The following HSPBAP1 variants were observed in gnomAD, a reference collection of about 807,000 sequenced individuals.
HSPBAP1 encodes the protein HSPB1-associated protein 1.
A neutral mutation model predicts 45.2 loss-of-function variants in HSPBAP1; 27 were observed. That is an observed-to-expected ratio of 0.60 (90% confidence interval 0.44 to 0.82). HSPBAP1 has a LOEUF of 0.82. HSPBAP1 is among the 40% of genes least tolerant of loss of function. The pLI is 0.00. For synonymous variants in HSPBAP1, 204 were observed against 202.7 expected (o/e 1.01, Z -0.06); for missense variants, 510 against 590.9 (o/e 0.86, Z 1.42).
chr3:122,746,684 G>A (rs1029572172), intron 6 of HSPBAP1, among the ~76,000 whole-genome samples: 16 of 150,346 alleles, frequency 1.1e-4, no homozygotes, highest in Admixed American at 2.6e-4. Flanking sequence ...CTCTTTCCAC[G>A]GTCTCCCTCT....
chr3:122,777,211 G>A (rs531814404), intron 2 of HSPBAP1, among the ~76,000 whole-genome samples: 1 of 152,266 alleles, frequency 6.6e-6, no homozygotes, highest in Admixed American at 6.5e-5. Flanking sequence ...TATGTTTCAT[G>A]TTTGTGCAAT....
chr3:122,791,444 G>C (rs1328424124), intron 1 of HSPBAP1, among the ~76,000 whole-genome samples: 2 of 152,210 alleles, frequency 1.3e-5, no homozygotes, highest in African/African-American at 2.4e-5. Context: ...CAAACATGTG[G>C]CATGTGCCAA....
intron 2 of HSPBAP1, among the ~76,000 whole-genome samples, chr3:122,775,219 G>C (rs116634593): frequency 0.05 from 7,671 of 152,088 alleles, 262 homozygotes; most frequent in Middle Eastern, 0.11. Context: ...GATTATCTCT[G>C]GGTAGTGGGA....
At chr3:122,767,304 C>T (rs888326747) in intron 3 of HSPBAP1, among the ~76,000 whole-genome samples, 1 of 152,152 alleles carries the variant, frequency 6.6e-6, no homozygotes, top group Admixed American at 6.5e-5. Flanking sequence ...TTTGGGCGGC[C>T]GAGGCTGGTG....
At chr3:122,790,477 G>A (rs772216316) in intron 1 of HSPBAP1, among the ~76,000 whole-genome samples, 2 of 152,126 alleles carry the variant, frequency 1.3e-5, no homozygotes, top group Non-Finnish European at 2.9e-5. Context: ...TACTTAATGT[G>A]TATCATATTG....
At chr3:122,749,143 T>A (rs927343484) in intron 6 of HSPBAP1, among the ~76,000 whole-genome samples, 7 of 151,570 alleles carry the variant, frequency 4.6e-5, no homozygotes, top group African/African-American at 1.7e-4. Flanking sequence ...TCTATTCATT[T>A]ACTTACTTTT....
chr3:122,754,653 A>C (rs544527581), intron 5 of HSPBAP1: 659 of 985,230 alleles, frequency 6.7e-4, no homozygotes, highest in Non-Finnish European at 5.7e-4. Context: ...TAAGTGACTA[A>C]GAAAACCTTT....
intron 6 of HSPBAP1, among the ~76,000 whole-genome samples, chr3:122,743,988 G>A (rs1263314844): frequency 1.3e-5 from 2 of 151,990 alleles, no homozygotes; most frequent in Non-Finnish European, 2.9e-5. Flanking sequence ...ACTCCAGCCT[G>A]GGCAACAGAA....
In HSPBAP1 at chr3:122,764,907, C is replaced by G. The variant is rs369481660; in HGVS notation, c.432+3794G>C. Reference sequence around the variant, plus strand: ...CATTTGATATTGTGATTTGAATTGGCTACTGAAGGTCAGGAGCCTCGTTAA... The same window carrying G: ...CATTTGATATTGTGATTTGAATTGGGTACTGAAGGTCAGGAGCCTCGTTAA... On this transcript the variant is annotated intron_variant, in intron 3 of 7. Coordinates refer to ENST00000306103, the MANE Select transcript of HSPBAP1 (RefSeq NM_024610.6). Among the ~76,000 whole-genome samples, 12 of 152,272 alleles carry G rather than the reference C, an allele frequency of 7.9e-5. 2 individuals carry two copies. Among genetic ancestry groups the G allele is most frequent in the Admixed American group, 6.5e-5 (1 of 15,292 alleles).
chr3:122,762,486 G>T (rs1018314054), intron 3 of HSPBAP1, among the ~76,000 whole-genome samples: 3 of 152,064 alleles, frequency 2.0e-5, no homozygotes, highest in African/African-American at 7.2e-5. Flanking sequence ...TTCTTTTTAA[G>T]CAACTAAATT....
chr3:122,746,991 C>T (rs1933892144), intron 6 of HSPBAP1, among the ~76,000 whole-genome samples: 2 of 152,080 alleles, frequency 1.3e-5, no homozygotes, highest in African/African-American at 4.8e-5. Flanking sequence ...GTGGCGTGAT[C>T]TCGGCTCGCT....
At position 122,748,008 on chromosome 3, in the gene HSPBAP1, T is replaced by C. The variant is rs889641610; in HGVS notation, c.825+4583A>G. Among the ~76,000 whole-genome samples the C allele has an allele frequency of 1.1e-4, 16 of 152,286 alleles. 1 individual carries two copies. Among genetic ancestry groups the C allele is most frequent in the African/African-American group, 9.6e-5 (4 of 41,568 alleles). On this transcript the variant is annotated intron_variant, in intron 6 of 7. Coordinates refer to ENST00000306103, the MANE Select transcript of HSPBAP1 (RefSeq NM_024610.6). ...GTGTCTGTGTAGAAAGAAGTAGACATGGGAAACTTTTCATTTTGTTCTGTA... is the reference window on the plus strand; with the variant it reads ...GTGTCTGTGTAGAAAGAAGTAGACACGGGAAACTTTTCATTTTGTTCTGTA...
chr3:122,778,531 T>A (rs1455833387), intron 1 of HSPBAP1, among the ~76,000 whole-genome samples: 161 of 148,790 alleles, frequency 1.1e-3, no homozygotes, highest in Non-Finnish European at 1.2e-3. Flanking sequence ...TTATTTTTTT[T>A]TTTTTTTTGA....
Position 122,753,518 on chromosome 3 carries a change from G to A in HSPBAP1, c.742-844C>T, listed in dbSNP as rs1416792077. On this transcript the variant is annotated intron_variant, in intron 5 of 7. Coordinates refer to ENST00000306103, the MANE Select transcript of HSPBAP1 (RefSeq NM_024610.6). ...ACTTGCAAAGGTCCACTTATTAAAC[G>A]TTAAGATATAAATAGGAAGGTATAA... 13 of 983,866 alleles carry A rather than the reference G, an allele frequency of 1.3e-5. No individual in the cohort carries two copies. The South Asian group carries it at 2.4e-4, about 18-fold the overall frequency. 60.9% of individuals were successfully genotyped at this position (983,866 alleles called of 1,614,324 possible). A position where few individuals can be genotyped will look rare whatever the true frequency, so the allele number is the denominator to read the frequency against.
chr3:122,791,147 A>G (rs1287886854), intron 1 of HSPBAP1, among the ~76,000 whole-genome samples: 2 of 152,224 alleles, frequency 1.3e-5, no homozygotes, highest in East Asian at 3.8e-4. Flanking sequence ...GCTCAAAGGG[A>G]TTAAGTACCT....
chr3:122,755,452 A>AAAGATAAAAG, intron 4 of HSPBAP1, 21 bp from the exon 5 acceptor site: 1 of 1,435,410 alleles, frequency 7.0e-7, no homozygotes, highest in South Asian at 1.5e-5. Flanking sequence ...AAAAAAAAAA[A>AAAGATAAAAG]AGATACAAGT....
intron 1 of HSPBAP1, among the ~76,000 whole-genome samples, chr3:122,790,437 A>G (rs1935789854): frequency 6.6e-6 from 1 of 152,168 alleles, no homozygotes; most frequent in Admixed American, 6.5e-5. Context: ...CCCAATTTCT[A>G]TTAGTTCCTT....
In HSPBAP1 at chr3:122,777,838, T is replaced by C. The variant is rs377757747; in HGVS notation, c.133A>G (p.Ile45Val). 1.2e-4 allele frequency: 190 copies of C among 1,613,744 alleles called. No individual in the cohort carries two copies. Among genetic ancestry groups the C allele is most frequent in the Non-Finnish European group, 1.5e-4 (176 of 1,179,760 alleles). The change falls in exon 2 of 8, where the codon ATC (isoleucine) becomes GTC (valine). Residue 45 changes from isoleucine (I) to valine (V), a missense_variant. Physicochemically the swap from Ile to Val is conservative, Grantham distance 29 (BLOSUM62 3). Transcript: ENST00000306103. ...EIIMSLQQPA[I>V]FCNMVFDWPA... ...CAATCAAACACCATGTTACAGAAGA[T>C]TGCAGGTTGTTGTAAAGACATGATA... is the stretch of plus-strand genomic sequence containing the variant.
intron 1 of HSPBAP1, among the ~76,000 whole-genome samples, chr3:122,792,012 A>G (rs1280207394): frequency 6.6e-6 from 1 of 152,234 alleles, no homozygotes; most frequent in Non-Finnish European, 1.5e-5. Context: ...GTACGGTCTG[A>G]TAGTGAAAGG....
Sources: allele counts gnomAD v4.1 joint callset (sites outside exome capture counted in the v4.1 genomes callset), GRCh38; gene constraint gnomAD v4.1.1; transcripts MANE v1.5; gene names NCBI Gene and HGNC (gene_info 2026-07-23, HGNC 2026-07-21).